The following WDR1 variants were observed in gnomAD, a reference collection of about 807,000 sequenced individuals.
The protein encoded by WDR1 is WD repeat-containing protein 1.
WDR1 carries 21 observed loss-of-function variants against 71.9 expected under a neutral mutation model. The ratio of observed to expected loss-of-function variants is 0.29; its 90% confidence interval spans 0.21 to 0.42. The LOEUF (loss-of-function observed/expected upper bound fraction) is 0.42. WDR1 is among the 10% of genes least tolerant of loss of function. The pLI, the probability that WDR1 is intolerant of heterozygous loss-of-function variation, is 1.00. For missense variants in WDR1, 696 were observed against 824.5 expected (o/e 0.84, Z 1.91); for synonymous variants, 424 against 347.4 (o/e 1.22, Z -2.45).
chr4:10,077,511 A>G (rs906886765), intron 13 of WDR1, 63 bp from the exon 14 acceptor site: 2 of 1,607,322 alleles, frequency 1.2e-6, no homozygotes, highest in African/African-American at 2.7e-5. Flanking sequence ...TGCCCATATC[A>G]CCTCGCTTAT....
At chr4:10,088,629 C>T in intron 6 of WDR1, 35 bp downstream of exon 6, 1 of 1,549,446 alleles carries the variant, frequency 6.5e-7, no homozygotes, top group Non-Finnish European at 8.8e-7. Flanking sequence ...GGCAGACAAG[C>T]CATTCCCCAC....
chr4:10,093,098 G>A lies in WDR1; in HGVS notation c.559-4357C>T, dbSNP rs1026209915. ...GGTCATAATTAAGTACCACACCCAT[G>A]TCAACATCACAGAGCGACAGAGCGC... On this transcript the variant is annotated intron_variant, in intron 5 of 14. Coordinates refer to ENST00000499869, the MANE Select transcript of WDR1 (RefSeq NM_017491.5). 5.9e-5 allele frequency: 76 copies of A among 1,289,314 alleles called. 1 individual carries two copies. Among genetic ancestry groups the A allele is most frequent in the Non-Finnish European group, 7.6e-5 (75 of 988,882 alleles). The allele number at this position is 1,289,314 out of a possible 1,614,324, so 79.9% of individuals were successfully genotyped here. A position where few individuals can be genotyped will look rare whatever the true frequency, so the allele number is the denominator to read the frequency against.
rs771790066 is a variant in WDR1, at chr4:10,075,213, G to A, written c.*165C>T. 3.6e-5 allele frequency: 22 copies of A among 610,770 alleles called. No homozygotes were observed. Among genetic ancestry groups the A allele is most frequent in the South Asian group, 7.8e-5 (4 of 51,082 alleles). The allele number at this position is 610,770 out of a possible 1,614,324, so 37.8% of individuals were successfully genotyped here. On this transcript the variant is annotated 3_prime_UTR_variant, in exon 15 of 15. Coordinates refer to ENST00000499869, the MANE Select transcript of WDR1 (RefSeq NM_017491.5). ...TACTGTCTAAAGCTTTCAGAAGAAC[G>A]TGTACAGACACCCTGCAGAGACGAG...
chr4:10,081,767 T>C lies in WDR1; in HGVS notation c.1197-323A>G, dbSNP rs1303154069. 3.9e-5 allele frequency among the ~76,000 whole-genome samples: 6 copies of C among 152,018 alleles called. No homozygotes were observed. In the East Asian group the frequency reaches 1.2e-3, roughly 29 times the overall value. On this transcript the variant is annotated intron_variant, in intron 10 of 14. Coordinates refer to ENST00000499869, the MANE Select transcript of WDR1 (RefSeq NM_017491.5). The stretch of plus-strand genomic sequence containing the variant: ...CACCCAGATGTGGCTTTTGTCCCCC[T>C]GTCTGTTGGCTAAAGACTGGAGTTT...
chr4:10,079,041 T>C, intron 11 of WDR1, 40 bp from the exon 12 acceptor site: 1 of 1,526,914 alleles, frequency 6.5e-7, no homozygotes, highest in Non-Finnish European at 8.9e-7. Context: ...GGTCCAGCCC[T>C]TCGGGACAAA....
intron 8 of WDR1, among the ~76,000 whole-genome samples, chr4:10,086,859 G>A (rs1199577946): frequency 1.3e-5 from 2 of 152,224 alleles, no homozygotes; most frequent in African/African-American, 4.8e-5. Flanking sequence ...ACCTGACTTG[G>A]AGTTCCCAGC....
chr4:10,090,688 C>G (rs1313094521), intron 5 of WDR1, among the ~76,000 whole-genome samples: 7 of 152,240 alleles, frequency 4.6e-5, no homozygotes, highest in Admixed American at 3.9e-4. Flanking sequence ...CCAGCAGGCC[C>G]TGGCCCTGCA....
intron 2 of WDR1, among the ~76,000 whole-genome samples, chr4:10,105,570 T>G (rs889244407): frequency 2.0e-5 from 3 of 152,090 alleles, no homozygotes; most frequent in Non-Finnish European, 4.4e-5. Context: ...TACAACAGAA[T>G]ACCACTCCAT....
intron 3 of WDR1, among the ~76,000 whole-genome samples, chr4:10,103,281 CACACACAG>C (rs1384821593): frequency 6.2e-5 from 4 of 64,588 alleles, no homozygotes; most frequent in African/African-American, 2.8e-4. Flanking sequence ...CACACACACA[CACACACAG>C]ACACACACAC....
At chr4:10,098,137 G>T (rs1275446920) in intron 4 of WDR1, among the ~76,000 whole-genome samples, 2 of 152,144 alleles carry the variant, frequency 1.3e-5, no homozygotes, top group African/African-American at 4.8e-5. Flanking sequence ...ATGCATGTGT[G>T]TGTCTGTGGG....
rs901416395 is a variant in WDR1, at chr4:10,093,202, C to T, written c.559-4461G>A. Reference sequence around the variant, plus strand: ...TCAGCTCAGGAACCCTCTGGGAGCCCACCCCATTCCCCCCAGCCTCAGCTG... The same window carrying T: ...TCAGCTCAGGAACCCTCTGGGAGCCTACCCCATTCCCCCCAGCCTCAGCTG... On this transcript the variant is annotated intron_variant, in intron 5 of 14. Coordinates refer to ENST00000499869, the MANE Select transcript of WDR1 (RefSeq NM_017491.5). The T allele has an allele frequency of 5.0e-5, 63 of 1,251,028 alleles. No homozygotes were observed. In the African/African-American group the frequency reaches 6.9e-4, roughly 14 times the overall value. The allele number at this position is 1,251,028 out of a possible 1,614,324, so 77.5% of individuals were successfully genotyped here. A position where few individuals can be genotyped will look rare whatever the true frequency, so the allele number is the denominator to read the frequency against.
At chr4:10,076,959 T>C (rs1024120945) in intron 14 of WDR1, 12 of 232,988 alleles carry the variant, frequency 5.2e-5, no homozygotes, top group African/African-American at 2.7e-4. Context: ...CAACGCCACA[T>C]GAGGCTCACA....
At chr4:10,083,490 T>A in intron 9 of WDR1, 1 of 524,722 alleles carries the variant, frequency 1.9e-6, no homozygotes, top group Non-Finnish European at 3.7e-6. Context: ...GGCGCAACCC[T>A]CTAACCCCAC....
At chr4:10,104,831 T>C (rs1712924143) in intron 2 of WDR1, among the ~76,000 whole-genome samples, 2 of 152,164 alleles carry the variant, frequency 1.3e-5, no homozygotes, top group Non-Finnish European at 2.9e-5. Flanking sequence ...CAAGTGCTCT[T>C]TGAAAGAGGC....
intron 14 of WDR1, 73 bp downstream of exon 14, chr4:10,077,231 G>C (rs1460886096): frequency 6.3e-7 from 1 of 1,585,802 alleles, no homozygotes; most frequent in Non-Finnish European, 8.6e-7. Context: ...GAAGCCAGGG[G>C]ACAGCCTGTG....
In WDR1 at chr4:10,104,089, C is replaced by T. The variant is rs962536698; in HGVS notation, c.139-103G>A. The T allele has an allele frequency of 3.3e-6, 4 of 1,225,522 alleles. No individual in the cohort carries two copies. In the African/African-American group the frequency reaches 4.5e-5, roughly 14 times the overall value. The allele number at this position is 1,225,522 out of a possible 1,614,324, so 75.9% of individuals were successfully genotyped here. A position where few individuals can be genotyped will look rare whatever the true frequency, so the allele number is the denominator to read the frequency against. On this transcript the variant is annotated intron_variant, in intron 2 of 14. Transcript: ENST00000499869. The stretch of plus-strand genomic sequence containing the variant: ...GGGGTGAAAGGGGTGTACAAAGAAA[C>T]ACTGAAGCTAAAACCGTGAAGAAAA...
chr4:10,082,798 C>T (rs550643602), intron 10 of WDR1, among the ~76,000 whole-genome samples: 8 of 152,330 alleles, frequency 5.3e-5, no homozygotes, highest in Non-Finnish European at 1.0e-4. Context: ...GCAGAGTCCA[C>T]ACCTGGTCGT....
At chr4:10,075,918 G>C (rs3775936) in intron 14 of WDR1, 19,983 of 182,006 alleles carry the variant, frequency 0.11, 1,418 homozygotes, top group East Asian at 0.3. Context: ...GGAACACACA[G>C]GACTGGGGGG....
intron 9 of WDR1, 124 bp from the exon 10 acceptor site, chr4:10,083,302 T>G: frequency 5.6e-6 from 7 of 1,259,240 alleles, no homozygotes; most frequent in African/African-American, 1.5e-5. Context: ...GACATAACCA[T>G]TCCCCCTGGG....
Sources: gnomAD v4.1 joint callset for allele counts (sites outside exome capture counted in the v4.1 genomes callset) on GRCh38, gnomAD v4.1.1 for gene constraint, MANE v1.5 for transcripts, NCBI Gene and HGNC (gene_info 2026-07-23, HGNC 2026-07-21) for gene names.